Variants in FILIP1 observed in about 807,000 individuals in gnomAD.
FILIP1 encodes the protein filamin-A-interacting protein 1.
A neutral mutation model predicts 102.1 loss-of-function variants in FILIP1; 61 were observed. That is an observed-to-expected ratio of 0.60 (90% confidence interval 0.49 to 0.74). The LOEUF is 0.74. Ranked by LOEUF, FILIP1 falls within the 30% of genes least tolerant of loss-of-function variation. FILIP1 has a pLI of 0.00. For missense variants in FILIP1, 1,314 were observed against 1,441.2 expected, an observed-to-expected ratio of 0.91 and a Z score of 1.43; for synonymous variants, 491 against 526.9, an observed-to-expected ratio of 0.93 and a Z score of 0.93.
chr6:75,406,927 G>A lies in FILIP1; in HGVS notation c.276+7770C>T, dbSNP rs1468119793. Among the ~76,000 whole-genome samples, 4 of 151,908 alleles carry A rather than the reference G, an allele frequency of 2.6e-5. No homozygotes were observed. The South Asian group carries it at 6.2e-4, about 24-fold the overall frequency. ...CCCACCTCAGCCTCCCAAAGTGTTG[G>A]GATTACAGGTGTGAGCCACCGCACC... On this transcript the variant is annotated intron_variant, in intron 2 of 5. Coordinates refer to ENST00000237172, the MANE Select transcript of FILIP1 (RefSeq NM_015687.5).
chr6:75,319,564 C>A, intron 4 of FILIP1: 1 of 528,858 alleles, frequency 1.9e-6, no homozygotes, highest in Non-Finnish European at 3.7e-6. Flanking sequence ...GGCCCGGTGG[C>A]TCACGCCTGT....
chr6:75,314,207 T>G lies in FILIP1; in HGVS notation c.1625A>C (p.Asp542Ala), dbSNP rs749363024. ...TTCTTCAATTAGTTTTTCAGTTACA[T>G]CCATAACTTTTCCTTGTTCCACCTT... is the stretch of plus-strand genomic sequence containing the variant. Reference protein sequence around the residue: ...NFKVEQGKVMDVTEKLIEESK... With the variant: ...NFKVEQGKVMAVTEKLIEESK... Residue 542 changes from aspartate to alanine, a missense_variant, in exon 5 of 6, where the codon GAT becomes GCT. Asp to Ala is a moderately radical substitution (Grantham distance 126, BLOSUM62 -2). Around this residue, in one of 3 missense-constraint regions of FILIP1, gnomAD observed 816 missense variants for 913.1 expected, o/e 0.89. Transcript: ENST00000237172. 1 of 1,562,556 alleles carries G rather than the reference T, an allele frequency of 6.4e-7. No individual in the cohort carries two copies.
At chr6:75,396,439 C>G (rs1490046424) in intron 2 of FILIP1, among the ~76,000 whole-genome samples, 1 of 152,066 alleles carries the variant, frequency 6.6e-6, no homozygotes, top group African/African-American at 2.4e-5. Flanking sequence ...GAGATCATGT[C>G]TCTCCAGCTA....
At chr6:75,443,391 C>G (rs1218763792) in intron 1 of FILIP1, among the ~76,000 whole-genome samples, 1 of 152,112 alleles carries the variant, frequency 6.6e-6, no homozygotes, top group South Asian at 2.1e-4. Flanking sequence ...CAAAAATCTA[C>G]CAATTTTTAG....
intron 1 of FILIP1, among the ~76,000 whole-genome samples, chr6:75,425,748 G>A (rs1309708670): frequency 2.0e-5 from 3 of 152,082 alleles, no homozygotes; most frequent in African/African-American, 7.2e-5. Context: ...TATTAGATGT[G>A]CTACCCACTG....
chr6:75,346,578 T>G (rs899455740), intron 4 of FILIP1, among the ~76,000 whole-genome samples: 1 of 152,164 alleles, frequency 6.6e-6, no homozygotes, highest in African/African-American at 2.4e-5. Flanking sequence ...ATAGTAGGTA[T>G]GTTACTATCC....
chr6:75,463,249 T>A (rs376886336), intron 1 of FILIP1, among the ~76,000 whole-genome samples: 79 of 152,276 alleles, frequency 5.2e-4, no homozygotes, highest in Middle Eastern at 3.4e-3. Context: ...TAACTTCTAA[T>A]CTCATGGAAA....
chr6:75,363,037 C>T, intron 2 of FILIP1, 120 bp from the exon 3 acceptor site: 1 of 939,362 alleles, frequency 1.1e-6, no homozygotes, highest in Non-Finnish European at 1.6e-6. Context: ...TTGGCAAATT[C>T]ACTGGGTATT....
chr6:75,397,492 G>A (rs62414189), intron 2 of FILIP1, among the ~76,000 whole-genome samples: 3 of 146,004 alleles, frequency 2.1e-5, no homozygotes, highest in African/African-American at 5.1e-5. Context: ...ATATATATGT[G>A]TATATATATA....
intron 3 of FILIP1, among the ~76,000 whole-genome samples, chr6:75,357,572 A>G (rs4412169): frequency 0.57 from 86,842 of 152,090 alleles, 25,217 homozygotes; most frequent in South Asian, 0.7. Context: ...CTCTTAATGC[A>G]TAAGTTACTG....
intron 2 of FILIP1, among the ~76,000 whole-genome samples, chr6:75,365,717 T>C (rs559657333): frequency 3.8e-4 from 58 of 152,176 alleles, no homozygotes; most frequent in South Asian, 1.2e-3. Context: ...TTTTTTTTTG[T>C]TTATACAGGT....
intron 1 of FILIP1, among the ~76,000 whole-genome samples, chr6:75,424,315 A>T (rs2998385): frequency 0.047 from 7,206 of 152,278 alleles, 552 homozygotes; most frequent in African/African-American, 0.16. Flanking sequence ...TCAAACAATA[A>T]TAAATGATAA....
exon 7 of FILIP1, chr6:75,294,755 C>T (rs1229461824): frequency 6.6e-6 from 1 of 150,898 alleles, no homozygotes; most frequent in Non-Finnish European, 1.5e-5. Context: ...TACAGTGACA[C>T]AATCATGGCT....
intron 2 of FILIP1, among the ~76,000 whole-genome samples, chr6:75,399,673 A>C (rs1776588726): frequency 6.6e-6 from 1 of 152,100 alleles, no homozygotes; most frequent in Non-Finnish European, 1.5e-5. Flanking sequence ...AGTTTACTTA[A>C]ACCCTCTGGG....
intron 2 of FILIP1, among the ~76,000 whole-genome samples, chr6:75,395,541 G>C (rs1209200120): frequency 2.6e-5 from 4 of 152,168 alleles, no homozygotes; most frequent in African/African-American, 7.2e-5. Context: ...ACTTCCCAAA[G>C]TGCTGGCATT....
At chr6:75,392,231 TTTC>T (rs1776300156) in intron 2 of FILIP1, among the ~76,000 whole-genome samples, 1 of 152,122 alleles carries the variant, frequency 6.6e-6, no homozygotes, top group Admixed American at 6.6e-5. Context: ...CTAAATTTGC[TTTC>T]TTCATGATTT....
intron 3 of FILIP1, among the ~76,000 whole-genome samples, 195 bp from the exon 4 acceptor site, chr6:75,353,912 A>C (rs1364566826): frequency 6.6e-6 from 1 of 152,230 alleles, no homozygotes; most frequent in Non-Finnish European, 1.5e-5. Context: ...ATAATGCTGC[A>C]GTAACTTCTG....
chr6:75,489,383 T>C (rs1472652252), intron 1 of FILIP1, among the ~76,000 whole-genome samples: 2 of 152,100 alleles, frequency 1.3e-5, no homozygotes, highest in African/African-American at 4.8e-5. Flanking sequence ...ACTTAAATAA[T>C]ACATTCTCCT....
At chr6:75,485,476 T>A (rs1779756541) in intron 1 of FILIP1, among the ~76,000 whole-genome samples, 1 of 152,200 alleles carries the variant, frequency 6.6e-6, no homozygotes, top group African/African-American at 2.4e-5. Flanking sequence ...TTCCATCCCA[T>A]ATAAAACATT....
Sources: allele counts gnomAD v4.1 joint callset (sites outside exome capture counted in the v4.1 genomes callset), GRCh38; gene constraint gnomAD v4.1.1; regional missense constraint gnomAD v4.1.1; transcripts MANE v1.5; gene names NCBI Gene and HGNC (gene_info 2026-07-23, HGNC 2026-07-21).